The following GBP7 variants were observed in gnomAD, a reference collection of about 807,000 sequenced individuals.
GBP7 encodes guanylate-binding protein 7.
In GBP7, 43 loss-of-function variants were observed where a neutral mutation model predicts 61.3. That is an observed-to-expected ratio of 0.70 (90% CI 0.55 to 0.91). The LOEUF is 0.91. GBP7 is among the 40% of genes least tolerant of loss of function. The pLI is 0.00. For missense variants in GBP7, 717 were observed against 740.5 expected, an observed-to-expected ratio of 0.97 and a Z score of 0.37; for synonymous variants, 267 against 271.0, an observed-to-expected ratio of 0.99 and a Z score of 0.14.
intron 9 of GBP7, 126 bp downstream of exon 9, chr1:89,141,420 T>A: frequency 1.5e-6 from 1 of 665,242 alleles, no homozygotes; most frequent in East Asian, 2.8e-5. Flanking sequence ...ATTTTCAGTT[T>A]TAGCAGAGCA....
chr1:89,150,678 G>T, intron 5 of GBP7, 103 bp from the exon 6 acceptor site: 1 of 1,185,296 alleles, frequency 8.4e-7, no homozygotes, highest in South Asian at 1.5e-5. Flanking sequence ...AGTCTCTTGT[G>T]TCTGTGAATC....
Position 89,141,784 on chromosome 1 carries a change from T to A in GBP7, c.1366-136A>T. 7 of 680,608 alleles carry A rather than the reference T, an allele frequency of 1.0e-5. No homozygotes were observed. The South Asian group carries it at 1.4e-4, about 13-fold the overall frequency. The allele number at this position is 680,608 out of a possible 1,614,324, so 42.2% of individuals were successfully genotyped here. ...ATTCTTAAGATTCCACAGTGGTTTC[T>A]TTCCTTCCACAGCCACAATAAAAAG... is the stretch of plus-strand genomic sequence containing the variant. On this transcript the variant is annotated intron_variant, in intron 8 of 10. Transcript: ENST00000294671.
chr1:89,149,913 A>G (rs1260182281), intron 6 of GBP7, among the ~76,000 whole-genome samples: 2 of 152,222 alleles, frequency 1.3e-5, no homozygotes, highest in Admixed American at 6.5e-5. Context: ...TCAGCAAAGT[A>G]AATTATATCA....
At chr1:89,140,962 T>C (rs915624990) in intron 9 of GBP7, among the ~76,000 whole-genome samples, 2 of 152,068 alleles carry the variant, frequency 1.3e-5, no homozygotes, top group Non-Finnish European at 2.9e-5. Flanking sequence ...AAACCAAATA[T>C]CACATGTTCT....
At chr1:89,134,230 C>G (rs896496698) in intron 9 of GBP7, among the ~76,000 whole-genome samples, 1 of 152,204 alleles carries the variant, frequency 6.6e-6, no homozygotes, top group African/African-American at 2.4e-5. Context: ...TGCACCCTCT[C>G]CCCACTGTTT....
At position 89,144,851 on chromosome 1, in the gene GBP7, T is replaced by C. The variant is rs140337733; in HGVS notation, c.1365+2716A>G. On this transcript the variant is annotated intron_variant, in intron 8 of 10. Transcript: ENST00000294671. The stretch of plus-strand genomic sequence containing the variant: ...AGGCATCCAGAACTTACTCATCTTA[T>C]AACTGAATGTTTGTACCTACTGATC... 2.7e-3 allele frequency among the ~76,000 whole-genome samples: 409 copies of C among 152,236 alleles called. 2 individuals are homozygous for C. The highest frequency in any genetic ancestry group is 8.9e-3 in the African/African-American group (370 of 41,540).
In GBP7 at chr1:89,152,249, C is replaced by A; in HGVS notation, c.625+19G>T. 3.7e-6 allele frequency: 6 copies of A among 1,610,084 alleles called. No individual in the cohort carries two copies. The highest frequency in any genetic ancestry group is 5.1e-6 in the Non-Finnish European group (6 of 1,177,142). ...CACCCGCTACTGAACCTTCTCCCAT[C>A]TAGGCCATGCTCTGATACCTGAAAT... On this transcript the variant is annotated intron_variant, in intron 5 of 10. Transcript: ENST00000294671.
At chr1:89,154,807 A>AAAAT (rs1553125736) in intron 3 of GBP7, among the ~76,000 whole-genome samples, 6 of 151,282 alleles carry the variant, frequency 4.0e-5, no homozygotes, top group African/African-American at 1.5e-4. Flanking sequence ...AAAATTTAAA[A>AAAAT]AAAATAAAGA....
chr1:89,152,821 A>G, intron 3 of GBP7, 44 bp from the exon 4 acceptor site: 1 of 1,490,432 alleles, frequency 6.7e-7, no homozygotes, highest in Non-Finnish European at 9.2e-7. Flanking sequence ...GCCACAGTTT[A>G]GATACATCTC....
chr1:89,168,663 G>A (rs895757534), intron 2 of GBP7, among the ~76,000 whole-genome samples: 1 of 152,012 alleles, frequency 6.6e-6, no homozygotes, highest in African/African-American at 2.4e-5. Context: ...GGCCAGGTGT[G>A]GTGGCTCACA....
intron 9 of GBP7, among the ~76,000 whole-genome samples, chr1:89,136,563 G>T (rs892453022): frequency 6.6e-6 from 1 of 152,056 alleles, no homozygotes; most frequent in Non-Finnish European, 1.5e-5. Context: ...GAATGATTTT[G>T]GGGTAAACAG....
chr1:89,168,814 A>AACAACAAC (rs1557466043), intron 2 of GBP7, among the ~76,000 whole-genome samples: 14 of 147,314 alleles, frequency 9.5e-5, no homozygotes, highest in African/African-American at 3.5e-4. Flanking sequence ...ACAACAACAA[A>AACAACAAC]AAACGGTAGC....
chr1:89,132,330 T>C lies in GBP7; in HGVS notation c.1736A>G (p.Lys579Arg). 1 of 1,613,654 alleles carries C rather than the reference T, an allele frequency of 6.2e-7. No individual in the cohort carries two copies. The highest frequency in any genetic ancestry group is 8.5e-7 in the Non-Finnish European group (1 of 1,179,664). The part of the protein sequence containing the change: ...ESLNEEINRL[K>R]EQIEAAENEE... ...ATTTTCAGCTGCTTCAATTTGTTCT[T>C]TCAGTCGATTAATCTCTTCATTTAA... Residue 579 changes from lysine to arginine, a missense_variant, in exon 11 of 11, where the codon AAA (lysine) becomes AGA (arginine). Around this residue, in one of 3 missense-constraint regions of GBP7, gnomAD observed 312 missense variants for 310.1 expected, o/e 1.01. Transcript: ENST00000294671.
chr1:89,147,454 C>T, intron 8 of GBP7, 113 bp downstream of exon 8: 1 of 765,522 alleles, frequency 1.3e-6, no homozygotes, highest in Non-Finnish European at 2.2e-6. Context: ...AAGGTATTGC[C>T]ATGCTTCAAT....
At position 89,171,867 on chromosome 1, in the gene GBP7, C is replaced by G; in HGVS notation, c.69G>C (p.Val23=). Residue 23 remains valine, a synonymous_variant, in exon 2 of 11, where the codon GTG becomes GTC. Coordinates refer to ENST00000294671, the MANE Select transcript of GBP7 (RefSeq NM_207398.3). ...ACAGGATTTCCAGAGCTTCTGAATTCACCACCAGATGCCCTTTAGTGTTCT... is the reference window on the plus strand; with the variant it reads ...ACAGGATTTCCAGAGCTTCTGAATTGACCACCAGATGCCCTTTAGTGTTCT... ...LTENTKGHLV[V]NSEALEILSA... is the part of the protein sequence containing the mutation. 1 of 1,613,770 alleles carries G rather than the reference C, an allele frequency of 6.2e-7. No individual in the cohort carries two copies. Among genetic ancestry groups the G allele is most frequent in the Non-Finnish European group, 8.5e-7 (1 of 1,179,834 alleles).
intron 3 of GBP7, among the ~76,000 whole-genome samples, chr1:89,155,043 A>G (rs922189105): frequency 2.6e-5 from 4 of 152,172 alleles, no homozygotes; most frequent in South Asian, 2.1e-4. Context: ...CCATTCTGCA[A>G]TACTTGCTGT....
chr1:89,137,536 G>A (rs1214203619), intron 9 of GBP7, among the ~76,000 whole-genome samples: 1 of 151,838 alleles, frequency 6.6e-6, no homozygotes, highest in Non-Finnish European at 1.5e-5. Flanking sequence ...CACACAAACG[G>A]GACTCAGAAC....
intron 3 of GBP7, among the ~76,000 whole-genome samples, chr1:89,163,401 T>G (rs1647328457): frequency 6.6e-6 from 1 of 152,050 alleles, no homozygotes; most frequent in East Asian, 1.9e-4. Flanking sequence ...CTGGGCTTTT[T>G]TTTTTTTTGG....
At chr1:89,146,425 A>G (rs1018160967) in intron 8 of GBP7, among the ~76,000 whole-genome samples, 1 of 152,194 alleles carries the variant, frequency 6.6e-6, no homozygotes, top group Non-Finnish European at 1.5e-5. Context: ...AAAAGAAACT[A>G]GTGGGACTAC....
Sources: gnomAD v4.1 joint callset for allele counts (sites outside exome capture counted in the v4.1 genomes callset) on GRCh38, gnomAD v4.1.1 for gene constraint, gnomAD v4.1.1 regional missense constraint, MANE v1.5 for transcripts, NCBI Gene and HGNC (gene_info 2026-07-23, HGNC 2026-07-21) for gene names.